QTGAL: variants seen among roughly 807,000 people sequenced by gnomAD.
QTGAL encodes the protein queuosine-tRNA galactosyltransferase, also known as BGnT-like protein 1.
chr17:82,943,083 T>C, the QTGAL span: 1 of 152,988 alleles, frequency 6.5e-6, no homozygotes, highest in Non-Finnish European at 1.5e-5. Flanking sequence ...GATTGATGGG[T>C]GTGCCGACCA....
the QTGAL span, among the ~76,000 whole-genome samples, chr17:82,987,297 T>C: frequency 2.0e-5 from 3 of 152,326 alleles, no homozygotes; most frequent in South Asian, 4.1e-4. Flanking sequence ...TAAATAATGA[T>C]TTGAAAGACA....
At chr17:82,993,416 A>G in the QTGAL span, among the ~76,000 whole-genome samples, 1 of 152,180 alleles carries the variant, frequency 6.6e-6, no homozygotes, top group South Asian at 2.1e-4. Context: ...TCAACTCAAG[A>G]GAATATAACA....
the QTGAL span, chr17:82,956,643 G>T: frequency 6.7e-7 from 1 of 1,487,448 alleles, no homozygotes; most frequent in Non-Finnish European, 9.0e-7. The surrounding 1 kb of genome is among the most constrained non-coding windows in gnomAD (Gnocchi z 5.7). Flanking sequence ...TTGTCCAGGT[G>T]GCAGAGCCCG....
At chr17:83,010,777 G>A in the QTGAL span, among the ~76,000 whole-genome samples, 1 of 152,364 alleles carries the variant, frequency 6.6e-6, no homozygotes, top group South Asian at 2.1e-4. Context: ...GCACAGGCAA[G>A]GAGCGGGGAA....
At chr17:82,945,643 A>AAT in the QTGAL span, 1 of 152,338 alleles carries the variant, frequency 6.6e-6, no homozygotes, top group South Asian at 2.1e-4. Context: ...ATCTTGGCTT[A>AAT]ATATTTGGGG....
the QTGAL span, chr17:83,006,825 C>G: frequency 1.0e-6 from 1 of 984,482 alleles, no homozygotes; most frequent in African/African-American, 1.7e-5. The surrounding 1 kb of genome is among the most constrained non-coding windows in gnomAD (Gnocchi z 5.8). Context: ...TGAACAGCGT[C>G]TTCAATCCAC....
the QTGAL span, chr17:82,965,755 A>T: frequency 6.2e-7 from 1 of 1,607,054 alleles, no homozygotes. Flanking sequence ...ACCTAGAAGC[A>T]ATTAACGTTG....
chr17:83,029,921 CT>C, the QTGAL span, among the ~76,000 whole-genome samples: 1 of 152,330 alleles, frequency 6.6e-6, no homozygotes, highest in African/African-American at 2.4e-5. Context: ...ACCTATCTTC[CT>C]GCTTTCTCGA....
chr17:83,048,350 G>T, the QTGAL span: 1 of 873,806 alleles, frequency 1.1e-6, no homozygotes, highest in Non-Finnish European at 1.8e-6. Flanking sequence ...TTAATAAGTG[G>T]TATATCCAAT....
chr17:82,952,809 C>G, the QTGAL span, among the ~76,000 whole-genome samples: 1 of 152,344 alleles, frequency 6.6e-6, no homozygotes. Context: ...AAGTGAAACA[C>G]TCCTCAGCAA....
chr17:83,018,373 C>T, the QTGAL span, among the ~76,000 whole-genome samples: 11 of 152,380 alleles, frequency 7.2e-5, no homozygotes, highest in South Asian at 2.1e-4. Flanking sequence ...ACATGTACAA[C>T]GATCCCTAAA....
chr17:82,977,643 G>C, the QTGAL span, among the ~76,000 whole-genome samples: 1 of 152,122 alleles, frequency 6.6e-6, no homozygotes, highest in South Asian at 2.1e-4. Context: ...TGGTCACCGT[G>C]AAAGAGCTGG....
At chr17:82,988,697 T>C in the QTGAL span, among the ~76,000 whole-genome samples, 1 of 152,092 alleles carries the variant, frequency 6.6e-6, no homozygotes, top group Non-Finnish European at 1.5e-5. Flanking sequence ...GCAAAGGACA[T>C]GAACAGACAC....
At chr17:83,004,807 C>A in the QTGAL span, among the ~76,000 whole-genome samples, 2 of 151,866 alleles carry the variant, frequency 1.3e-5, no homozygotes, top group East Asian at 1.9e-4. Context: ...CTGCCCTCTG[C>A]GGTCTGCGTG....
At chr17:82,976,331 G>A in the QTGAL span, among the ~76,000 whole-genome samples, 37 of 57,752 alleles carry the variant, frequency 6.4e-4, no homozygotes, top group East Asian at 1.1e-3. Flanking sequence ...TATGGGGAAC[G>A]AGGGCCCCGG....
At chr17:82,973,057 G>A in the QTGAL span, among the ~76,000 whole-genome samples, 18 of 152,346 alleles carry the variant, frequency 1.2e-4, no homozygotes, top group South Asian at 2.1e-4. Context: ...GTGTGCTCCC[G>A]CGGCTGCCAG....
chr17:82,987,678 G>C, the QTGAL span, among the ~76,000 whole-genome samples: 1 of 152,312 alleles, frequency 6.6e-6, no homozygotes, highest in African/African-American at 2.4e-5. Flanking sequence ...CTGTAGACTT[G>C]TAGTATAGTT....
chr17:82,965,120 GGGA>G, the QTGAL span, among the ~76,000 whole-genome samples: 1 of 148,566 alleles, frequency 6.7e-6, no homozygotes, highest in African/African-American at 2.5e-5. Context: ...CACCCCCATG[GGGA>G]GGACGGGGAC....
chr17:82,970,506 A>C, the QTGAL span, among the ~76,000 whole-genome samples: 1 of 98,474 alleles, frequency 1.0e-5, no homozygotes, highest in Non-Finnish European at 2.0e-5. Flanking sequence ...TGAGAAAACA[A>C]ACACAGGTCC....
Sources: gnomAD v4.1 joint callset for allele counts (sites outside exome capture counted in the v4.1 genomes callset) on GRCh38, gnomAD v4.1.1 for gene constraint, Gnocchi (gnomAD v3.1) non-coding constraint, MANE v1.5 for transcripts, NCBI Gene and HGNC (gene_info 2026-07-23, HGNC 2026-07-21) for gene names.